Variants in PRAP1 observed in about 807,000 individuals in gnomAD.
PRAP1 encodes proline-rich acidic protein 1.
Under a neutral mutation model 14.6 loss-of-function variants are expected in PRAP1, and 12 were observed. That is an observed-to-expected ratio of 0.82 (90% confidence interval 0.53 to 1.33). The LOEUF is 1.33. PRAP1 is among the 40% of genes most tolerant of loss of function. PRAP1 has a pLI of 0.00. For missense variants in PRAP1, 160 were observed against 193.7 expected, an observed-to-expected ratio of 0.83 and a Z score of 1.03; for synonymous variants, 81 against 80.3, an observed-to-expected ratio of 1.01 and a Z score of -0.04.
rs1848694555 is a variant in PRAP1, at chr10:133,352,317, C to T, written c.333C>T (p.Ser111=). 1 of 1,613,058 alleles carries T rather than the reference C, an allele frequency of 6.2e-7. No homozygotes were observed. The highest frequency in any genetic ancestry group is 8.5e-7 in the Non-Finnish European group (1 of 1,179,996). The part of the protein sequence containing the change: ...HVLSPEPDHD[S]LYHPPPEEDQ... ...TGAGTCCCGAGCCCGACCATGACAG[C>T]CTGTACCACCCTCCGCCTGAGGAGG... Residue 111 remains serine, a synonymous_variant, in exon 5 of 5, where the codon AGC becomes AGT. Transcript: ENST00000433452.
At position 133,351,302 on chromosome 10, in the gene PRAP1, G is replaced by A. The variant is rs1205118641; in HGVS notation, c.76-79G>A. On this transcript the variant is annotated intron_variant, in intron 2 of 4. Transcript: ENST00000433452. This position sits in a 1 kb window ranked among gnomAD's most constrained non-coding sequence, Gnocchi z 4.3. ...CCTCCACCCCATGCAGCCCCAGGTGGGCCTCGGAGCAACCTCTCCCCAGGT... is the reference window on the plus strand; with the variant it reads ...CCTCCACCCCATGCAGCCCCAGGTGAGCCTCGGAGCAACCTCTCCCCAGGT... 8.7e-7 allele frequency: 1 copy of A among 1,147,256 alleles called. No individual in the cohort carries two copies. Among genetic ancestry groups the A allele is most frequent in the South Asian group, 1.4e-5 (1 of 71,476 alleles). The allele number at this position is 1,147,256 out of a possible 1,614,324, so 71.1% of individuals were successfully genotyped here.
At position 133,352,349 on chromosome 10, in the gene PRAP1, G is replaced by A. The variant is rs753156646; in HGVS notation, c.365G>A (p.Gly122Asp). 2 of 1,613,144 alleles carry A rather than the reference G, an allele frequency of 1.2e-6. No homozygotes were observed. Among genetic ancestry groups the A allele is most frequent in the Non-Finnish European group, 8.5e-7 (1 of 1,179,992 alleles). ...CACCCTCCGCCTGAGGAGGACCAGG[G>A]CGAGGAGAGGCCCCGGTTGTGGGTG... is the stretch of plus-strand genomic sequence containing the variant. The part of the protein sequence containing the change: ...LYHPPPEEDQ[G>D]EERPRLWVMP... Residue 122 changes from glycine (G) to aspartate (D), a missense_variant, in exon 5 of 5, where the codon GGC (glycine) becomes GAC (aspartate). Coordinates refer to ENST00000433452, the MANE Select transcript of PRAP1 (RefSeq NM_145202.5).
At position 133,351,306 on chromosome 10, in the gene PRAP1, T is replaced by C; in HGVS notation, c.76-75T>C. ...CACCCCATGCAGCCCCAGGTGGGCC[T>C]CGGAGCAACCTCTCCCCAGGTGTCC... On this transcript the variant is annotated intron_variant, in intron 2 of 4. Coordinates refer to ENST00000433452, the MANE Select transcript of PRAP1 (RefSeq NM_145202.5). This position sits in a 1 kb window ranked among gnomAD's most constrained non-coding sequence, Gnocchi z 4.3. 8.5e-7 allele frequency: 1 copy of C among 1,173,224 alleles called. No individual in the cohort carries two copies. The highest frequency in any genetic ancestry group is 1.2e-6 in the Non-Finnish European group (1 of 822,736). The allele number at this position is 1,173,224 out of a possible 1,614,324, so 72.7% of individuals were successfully genotyped here. A position where few individuals can be genotyped will look rare whatever the true frequency, so the allele number is the denominator to read the frequency against.
chr10:133,351,461 C>G lies in PRAP1; in HGVS notation c.128+28C>G. ...AAGTCCCCCCAACCCCACCTCCCCACCACCCATTCCCTGAAGCTACAGCCC... is the reference window on the plus strand; with the variant it reads ...AAGTCCCCCCAACCCCACCTCCCCAGCACCCATTCCCTGAAGCTACAGCCC... On this transcript the variant is annotated intron_variant, in intron 3 of 4. Coordinates refer to ENST00000433452, the MANE Select transcript of PRAP1 (RefSeq NM_145202.5). The surrounding 1 kb of genome is among the most constrained non-coding windows in gnomAD (Gnocchi z 4.3). 6.5e-7 allele frequency: 1 copy of G among 1,539,396 alleles called. No homozygotes were observed. Among genetic ancestry groups the G allele is most frequent in the African/African-American group, 1.4e-5 (1 of 73,660 alleles).
At chr10:133,349,541 G>A (rs980034346) in intron 1 of PRAP1, among the ~76,000 whole-genome samples, 8 of 152,064 alleles carry the variant, frequency 5.3e-5, no homozygotes, top group African/African-American at 1.2e-4. Context: ...CACACATCCC[G>A]TGTCCGAACT....
chr10:133,347,652 G>C lies in PRAP1; in HGVS notation c.8+227G>C, dbSNP rs1848606745. Among the ~76,000 whole-genome samples, 1 of 152,014 alleles carries C rather than the reference G, an allele frequency of 6.6e-6. No individual in the cohort carries two copies. Among genetic ancestry groups the C allele is most frequent in the African/African-American group, 2.4e-5 (1 of 41,422 alleles). On this transcript the variant is annotated intron_variant, in intron 1 of 4. Coordinates refer to ENST00000433452, the MANE Select transcript of PRAP1 (RefSeq NM_145202.5). The surrounding 1 kb of genome is among the most constrained non-coding windows in gnomAD (Gnocchi z 5.0). ...GCCTCTTGGTTCCCCTGGCCTGGTG[G>C]AGAATCACCCAGGGACCCCCACCCG...
Position 133,352,508 on chromosome 10 carries a change from T to C in PRAP1, c.*68T>C, listed in dbSNP as rs1242136039. On this transcript the variant is annotated 3_prime_UTR_variant, in exon 5 of 5. Transcript: ENST00000433452. ...AGGCTGTTGGGACTGGGACCCTCCC[T>C]ACCCTGCCCCAGCTAGACAAATAAA... is the stretch of plus-strand genomic sequence containing the variant. 3 of 1,375,294 alleles carry C rather than the reference T, an allele frequency of 2.2e-6. No individual in the cohort carries two copies. Among genetic ancestry groups the C allele is most frequent in the Non-Finnish European group, 3.0e-6 (3 of 987,880 alleles). 85.2% of individuals were successfully genotyped at this position (1,375,294 alleles called of 1,614,324 possible). A position where few individuals can be genotyped will look rare whatever the true frequency, so the allele number is the denominator to read the frequency against.
Position 133,351,159 on chromosome 10 carries a change from T to C in PRAP1, c.76-222T>C, listed in dbSNP as rs1273802823. ...GCCAGAATTCCAGGCCAGCTGGTCA[T>C]CTGGGCACAGGCCGGCAACCTCAAT... On this transcript the variant is annotated intron_variant, in intron 2 of 4. Coordinates refer to ENST00000433452, the MANE Select transcript of PRAP1 (RefSeq NM_145202.5). The surrounding 1 kb of genome is among the most constrained non-coding windows in gnomAD (Gnocchi z 4.3). Among the ~76,000 whole-genome samples the C allele has an allele frequency of 6.6e-6, 1 of 152,148 alleles. No individual in the cohort carries two copies. The highest frequency in any genetic ancestry group is 1.5e-5 in the Non-Finnish European group (1 of 68,014).
At position 133,351,680 on chromosome 10, in the gene PRAP1, T is replaced by A. The variant is rs1302611896; in HGVS notation, c.128+247T>A. 6.6e-6 allele frequency among the ~76,000 whole-genome samples: 1 copy of A among 152,160 alleles called. No individual in the cohort carries two copies. Among genetic ancestry groups the A allele is most frequent in the Admixed American group, 6.5e-5 (1 of 15,282 alleles). ...CTCCCTACTCAGCTTCCCCACAGCC[T>A]CCAGGGCAGCTTGTGCTCCACGGCT... On this transcript the variant is annotated intron_variant, in intron 3 of 4. Transcript: ENST00000433452. The surrounding 1 kb of genome is among the most constrained non-coding windows in gnomAD (Gnocchi z 4.3).
chr10:133,350,057 T>G lies in PRAP1; in HGVS notation c.9-38T>G, dbSNP rs757986099. ...CTGCCTGGAGTTCAGGGCGTCCCCT[T>G]CCCCTACCTCACACTTCCCTCTCTG... On this transcript the variant is annotated intron_variant, in intron 1 of 4. Transcript: ENST00000433452. 9 of 1,537,002 alleles carry G rather than the reference T, an allele frequency of 5.9e-6. No homozygotes were observed. In the South Asian group the frequency reaches 1.0e-4, roughly 17 times the overall value.
intron 1 of PRAP1, among the ~76,000 whole-genome samples, chr10:133,348,495 AC>A (rs1848620525): frequency 6.9e-6 from 1 of 145,094 alleles, no homozygotes; most frequent in Non-Finnish European, 1.5e-5. Context: ...GTGTGCCACC[AC>A]CCCCAGCTAA....
At chr10:133,348,163 C>T (rs1409271763) in intron 1 of PRAP1, among the ~76,000 whole-genome samples, 1 of 152,202 alleles carries the variant, frequency 6.6e-6, no homozygotes, top group Non-Finnish European at 1.5e-5. Flanking sequence ...TCCCAGGCCC[C>T]CAGGCTGTGT....
intron 2 of PRAP1, 56 bp downstream of exon 2, chr10:133,350,217 T>C (rs896953500): frequency 2.0e-6 from 3 of 1,490,828 alleles, no homozygotes; most frequent in African/African-American, 2.8e-5. Flanking sequence ...CTTCTGCCCC[T>C]ACAGCAGGGG....
Position 133,351,437 on chromosome 10 carries a change from A to G in PRAP1, c.128+4A>G, listed in dbSNP as rs1848676872. 6.2e-7 allele frequency: 1 copy of G among 1,604,496 alleles called. No individual in the cohort carries two copies. Among genetic ancestry groups the G allele is most frequent in the South Asian group, 1.1e-5 (1 of 89,338 alleles). On this transcript the variant is annotated splice_donor_region_variant and intron_variant, in intron 3 of 4. Transcript: ENST00000433452. The surrounding 1 kb of genome is among the most constrained non-coding windows in gnomAD (Gnocchi z 4.3). The stretch of plus-strand genomic sequence containing the variant: ...CCTCAGAGCAGGACCCAGAGAAGTA[A>G]GTCCCCCCAACCCCACCTCCCCACC...
Position 133,351,535 on chromosome 10 carries a change from G to A in PRAP1, c.128+102G>A. 1.1e-6 allele frequency: 1 copy of A among 905,940 alleles called. No individual in the cohort carries two copies. The allele number at this position is 905,940 out of a possible 1,614,324, so 56.1% of individuals were successfully genotyped here. A position where few individuals can be genotyped will look rare whatever the true frequency, so the allele number is the denominator to read the frequency against. ...CTGGAGAGCACGGGGCAGATGCAGA[G>A]AGGAGCCCTGTCCAGCAGCTTTTGG... On this transcript the variant is annotated intron_variant, in intron 3 of 4. Transcript: ENST00000433452. This position sits in a 1 kb window ranked among gnomAD's most constrained non-coding sequence, Gnocchi z 4.3.
At position 133,347,898 on chromosome 10, in the gene PRAP1, C is replaced by G. The variant is rs1179444819; in HGVS notation, c.8+473C>G. Among the ~76,000 whole-genome samples the G allele has an allele frequency of 6.6e-6, 1 of 152,172 alleles. No homozygotes were observed. The highest frequency in any genetic ancestry group is 2.4e-5 in the African/African-American group (1 of 41,456). ...CCTTCTGTGGGGGTGTCTGTCTTCCCCCTCCTTGTGTGGGGGACCCCTCTC... is the reference window on the plus strand; with the variant it reads ...CCTTCTGTGGGGGTGTCTGTCTTCCGCCTCCTTGTGTGGGGGACCCCTCTC... On this transcript the variant is annotated intron_variant, in intron 1 of 4. Transcript: ENST00000433452. The surrounding 1 kb of genome is among the most constrained non-coding windows in gnomAD (Gnocchi z 5.0).
rs1848610937 is a variant in PRAP1, at chr10:133,347,912, G to GT, written c.8+487_8+488insT. Among the ~76,000 whole-genome samples the GT allele has an allele frequency of 6.6e-6, 1 of 152,098 alleles. No individual in the cohort carries two copies. Among genetic ancestry groups the GT allele is most frequent in the Non-Finnish European group, 1.5e-5 (1 of 67,994 alleles). ...GTCTGTCTTCCCCCTCCTTGTGTGG[G>GT]GGACCCCTCTCCCCGCTCCTGTGGA... On this transcript the variant is annotated intron_variant, in intron 1 of 4. Coordinates refer to ENST00000433452, the MANE Select transcript of PRAP1 (RefSeq NM_145202.5). The surrounding 1 kb of genome is among the most constrained non-coding windows in gnomAD (Gnocchi z 5.0).
rs1319382748 is a variant in PRAP1, at chr10:133,351,522, G to A, written c.128+89G>A. 2.8e-6 allele frequency: 3 copies of A among 1,054,516 alleles called. No homozygotes were observed. Among genetic ancestry groups the A allele is most frequent in the Non-Finnish European group, 4.2e-6 (3 of 708,210 alleles). 65.3% of individuals were successfully genotyped at this position (1,054,516 alleles called of 1,614,324 possible). A position where few individuals can be genotyped will look rare whatever the true frequency, so the allele number is the denominator to read the frequency against. ...GCCCTTCCTGAACCTGGAGAGCACG[G>A]GGCAGATGCAGAGAGGAGCCCTGTC... On this transcript the variant is annotated intron_variant, in intron 3 of 4. Coordinates refer to ENST00000433452, the MANE Select transcript of PRAP1 (RefSeq NM_145202.5). This position sits in a 1 kb window ranked among gnomAD's most constrained non-coding sequence, Gnocchi z 4.3.
rs2133405187 is a variant in PRAP1, at chr10:133,351,070, T to TG, written c.76-308dup. Among the ~76,000 whole-genome samples the TG allele has an allele frequency of 1.3e-5, 2 of 152,282 alleles. No homozygotes were observed. The highest frequency in any genetic ancestry group is 4.1e-4 in the South Asian group (2 of 4,826). On this transcript the variant is annotated intron_variant, in intron 2 of 4. Coordinates refer to ENST00000433452, the MANE Select transcript of PRAP1 (RefSeq NM_145202.5). This position sits in a 1 kb window ranked among gnomAD's most constrained non-coding sequence, Gnocchi z 4.3. Reference sequence around the variant, plus strand: ...CAGCCAGTGCATTGACGGCCAGGGTTGGGAGTGCTAGGTCAGGGATACGGT... The same window carrying TG: ...CAGCCAGTGCATTGACGGCCAGGGTTGGGGAGTGCTAGGTCAGGGATACGGT...
Sources: allele counts gnomAD v4.1 joint callset (sites outside exome capture counted in the v4.1 genomes callset), GRCh38; gene constraint gnomAD v4.1.1; non-coding constraint Gnocchi (gnomAD v3.1); transcripts MANE v1.5; gene names NCBI Gene and HGNC (gene_info 2026-07-23, HGNC 2026-07-21).